Variants in TEX9 observed in about 807,000 individuals in gnomAD.
The protein encoded by TEX9 is testis-expressed protein 9.
In TEX9, 74 loss-of-function variants were observed where a neutral mutation model predicts 59.6. The observed-to-expected ratio is 1.24, with a 90% confidence interval of 1.03 to 1.51. The LOEUF (loss-of-function observed/expected upper bound fraction) is 1.51. Ranked by LOEUF, TEX9 falls within the 40% of genes most tolerant of loss-of-function variation. TEX9 has a pLI of 0.00. For synonymous variants in TEX9, 186 were observed against 152.2 expected (o/e 1.22, Z -1.64); for missense variants, 522 against 447.8 (o/e 1.17, Z -1.49).
chr15:56,253,894 C>T (rs1174654921), intron 1 of TEX9, among the ~76,000 whole-genome samples: 1 of 151,806 alleles, frequency 6.6e-6, no homozygotes, highest in Non-Finnish European at 1.5e-5. Context: ...TGAGACTTGC[C>T]CCTCAGAGAA....
At chr15:56,245,819 G>A (rs2043838868) in intron 1 of TEX9, among the ~76,000 whole-genome samples, 1 of 152,174 alleles carries the variant, frequency 6.6e-6, no homozygotes, top group African/African-American at 2.4e-5. Context: ...GAGCCTGCAA[G>A]CTATGCTGAA....
chr15:56,304,293 C>T (rs1195871358), intron 1 of TEX9, among the ~76,000 whole-genome samples: 4 of 152,264 alleles, frequency 2.6e-5, no homozygotes, highest in East Asian at 1.9e-4. Flanking sequence ...TGAATAACAG[C>T]GGTCAAAGTG....
intron 9 of TEX9, among the ~76,000 whole-genome samples, chr15:56,405,085 C>G (rs28537630): frequency 1.4e-3 from 216 of 152,108 alleles, no homozygotes; most frequent in African/African-American, 5.1e-3. Context: ...ACCCATGTAT[C>G]AAACCTGCAC....
At chr15:56,272,944 T>A (rs55796151) in intron 1 of TEX9, among the ~76,000 whole-genome samples, 22 of 142,262 alleles carry the variant, frequency 1.5e-4, no homozygotes, top group Admixed American at 1.1e-3. Flanking sequence ...ATTTATTTTT[T>A]TTGTTGTTGT....
At chr15:56,388,072 A>C (rs1750813138) in intron 4 of TEX9, among the ~76,000 whole-genome samples, 1 of 152,024 alleles carries the variant, frequency 6.6e-6, no homozygotes, top group African/African-American at 2.4e-5. Context: ...TATAATGAGG[A>C]AAACAGGCAC....
At chr15:56,373,408 C>A in intron 2 of TEX9, 33 bp from the exon 3 acceptor site, 1 of 1,578,836 alleles carries the variant, frequency 6.3e-7, no homozygotes, top group Non-Finnish European at 8.6e-7. Context: ...TTGTTAAGAT[C>A]TTCAGTATAT....
the TEX9 span, among the ~76,000 whole-genome samples, chr15:56,460,009 A>AAAAAAAAATATATATATATATATATAT: frequency 1.1e-3 from 28 of 26,378 alleles, 7 homozygotes; most frequent in Non-Finnish European, 1.8e-3. Flanking sequence ...AAAAAAAAAA[A>AAAAAAAAATATATATATATATATATAT]ATACATATAT....
chr15:56,286,821 C>T (rs1422350229), intron 1 of TEX9, among the ~76,000 whole-genome samples: 3 of 152,098 alleles, frequency 2.0e-5, no homozygotes, highest in Non-Finnish European at 4.4e-5. Flanking sequence ...CTCACATTTT[C>T]CCCAAGTTGC....
intron 7 of TEX9, among the ~76,000 whole-genome samples, chr15:56,392,148 A>G (rs1383572865): frequency 6.6e-6 from 1 of 152,202 alleles, no homozygotes; most frequent in African/African-American, 2.4e-5. Context: ...TTGAAAATTT[A>G]GTAGTTTGTA....
At chr15:56,335,127 G>T (rs1363182858) in intron 1 of TEX9, among the ~76,000 whole-genome samples, 1 of 152,068 alleles carries the variant, frequency 6.6e-6, no homozygotes, top group African/African-American at 2.4e-5. Flanking sequence ...GACACTATAT[G>T]ATCCAGCAAT....
chr15:56,254,155 C>T (rs1443288427), intron 1 of TEX9, among the ~76,000 whole-genome samples: 2 of 152,016 alleles, frequency 1.3e-5, no homozygotes, highest in African/African-American at 4.8e-5. Flanking sequence ...TAATTGGTAA[C>T]AGGACAGGGG....
intron 1 of TEX9, among the ~76,000 whole-genome samples, chr15:56,280,139 T>C (rs541799245): frequency 9.8e-5 from 15 of 152,362 alleles, no homozygotes; most frequent in African/African-American, 3.1e-4. Flanking sequence ...AGTAAGTTAA[T>C]TGTATTAAAT....
chr15:56,394,027 T>C (rs2048337785), intron 7 of TEX9, 138 bp from the exon 8 acceptor site: 1 of 646,008 alleles, frequency 1.5e-6, no homozygotes, highest in African/African-American at 1.9e-5. Context: ...TGAGTACCTA[T>C]AGTGCCCCCT....
chr15:56,419,241 A>C lies in TEX9; in HGVS notation c.963+6805A>C, dbSNP rs562180998. Among the ~76,000 whole-genome samples the C allele has an allele frequency of 2.6e-5, 4 of 151,928 alleles. No homozygotes were observed. In the South Asian group the frequency reaches 6.2e-4, roughly 24 times the overall value. ...CAATTTATGTTTGCATATTGAGTCT[A>C]TATCCTCAACTTTGCTGAACTCACT... On this transcript the variant is annotated intron_variant, in intron 10 of 12. Coordinates refer to ENST00000352903, the Ensembl canonical transcript of TEX9.
At chr15:56,431,407 T>G (rs1337512634) in intron 12 of TEX9, 10 of 1,613,386 alleles carry the variant, frequency 6.2e-6, no homozygotes, top group Non-Finnish European at 8.5e-6. Context: ...TGTAGCATGC[T>G]CTTTAAGAAG....
the TEX9 span, among the ~76,000 whole-genome samples, chr15:56,452,349 T>G: frequency 6.6e-6 from 1 of 152,084 alleles, no homozygotes; most frequent in Non-Finnish European, 1.5e-5. Flanking sequence ...CAATGAGTTG[T>G]GACGTGTGAA....
the TEX9 span, among the ~76,000 whole-genome samples, chr15:56,455,177 A>C: frequency 4.0e-5 from 6 of 150,894 alleles, no homozygotes; most frequent in Non-Finnish European, 8.9e-5. Flanking sequence ...CAATTGCTAG[A>C]AGTGAAAATC....
At chr15:56,320,882 A>T (rs1427800323) in intron 1 of TEX9, among the ~76,000 whole-genome samples, 1 of 152,174 alleles carries the variant, frequency 6.6e-6, no homozygotes, top group Non-Finnish European at 1.5e-5. Context: ...CTCCCTCAGG[A>T]ATATTGTGAA....
intron 1 of TEX9, among the ~76,000 whole-genome samples, chr15:56,300,685 C>CAGAGAGAGAGAGAG (rs71110380): frequency 1.5e-3 from 176 of 115,594 alleles, no homozygotes; most frequent in Admixed American, 2.9e-3. Context: ...AGCAACTCAG[C>CAGAGAGAGAGAGAG]AGAGAGAGAG....
Sources: allele counts gnomAD v4.1 joint callset (sites outside exome capture counted in the v4.1 genomes callset), GRCh38; gene constraint gnomAD v4.1.1; transcripts MANE v1.5; gene names NCBI Gene and HGNC (gene_info 2026-07-23, HGNC 2026-07-21).